The following LEPROT variants were observed in gnomAD, a reference collection of about 807,000 sequenced individuals.
The protein encoded by LEPROT is leptin receptor gene-related protein.
LEPROT carries 3 observed loss-of-function variants against 15.4 expected under a neutral mutation model. The ratio of observed to expected loss-of-function variants is 0.19; its 90% CI spans 0.09 to 0.50. The LOEUF is 0.50. LEPROT is among the 20% of genes least tolerant of loss of function. LEPROT has a pLI of 0.97. For synonymous variants in LEPROT, 59 were observed against 57.5 expected (o/e 1.03, Z -0.12); for missense variants, 137 against 162.2 (o/e 0.84, Z 0.84).
Position 65,425,364 on chromosome 1 carries a change from C to G in LEPROT, c.78C>G (p.Ala26=). 1 of 1,602,710 alleles carries G rather than the reference C, an allele frequency of 6.2e-7. No individual in the cohort carries two copies. Among genetic ancestry groups the G allele is most frequent in the Non-Finnish European group, 8.5e-7 (1 of 1,177,178 alleles). ...TGACTTTTCTTATGCTGGGATGTGCCTTAGAGGATTATGGGTAAGTTATCA... is the reference window on the plus strand; with the variant it reads ...TGACTTTTCTTATGCTGGGATGTGCGTTAGAGGATTATGGGTAAGTTATCA... The part of the protein sequence containing the change: ...IGLTFLMLGC[A]LEDYGVYWPL... Residue 26 remains alanine (A), a synonymous_variant, in exon 2 of 4, where the codon GCC becomes GCG. Transcript: ENST00000371065.
chr1:65,425,319 C>T lies in LEPROT; in HGVS notation c.33C>T (p.Ser11=), dbSNP rs865867177. The T allele has an allele frequency of 2.5e-6, 4 of 1,611,580 alleles. No homozygotes were observed. Among genetic ancestry groups the T allele is most frequent in the Non-Finnish European group, 2.5e-6 (3 of 1,179,366 alleles). Residue 11 remains serine (S), a synonymous_variant, in exon 2 of 4, where the codon TCC becomes TCT. Transcript: ENST00000371065. MAGVKALVAL[S]FSGAIGLTFL... Reference sequence around the variant, plus strand: ...TTTTCACAGCTCTCGTGGCATTATCCTTCAGTGGGGCTATTGGACTGACTT... The same window carrying T: ...TTTTCACAGCTCTCGTGGCATTATCTTTCAGTGGGGCTATTGGACTGACTT...
At chr1:65,422,212 A>G (rs1178411936) in intron 1 of LEPROT, among the ~76,000 whole-genome samples, 1 of 152,224 alleles carries the variant, frequency 6.6e-6, no homozygotes, top group South Asian at 2.1e-4. Context: ...CCCTAATCCA[A>G]TGACTGGTGT....
In LEPROT at chr1:65,433,531, A is replaced by G. The variant is rs769352091; in HGVS notation, c.*1612A>G. 1.8e-5 allele frequency: 18 copies of G among 985,394 alleles called. No homozygotes were observed. Among genetic ancestry groups the G allele is most frequent in the Non-Finnish European group, 2.2e-5 (18 of 829,914 alleles). 61.0% of individuals were successfully genotyped at this position (985,394 alleles called of 1,614,324 possible). On this transcript the variant is annotated 3_prime_UTR_variant, in exon 4 of 4. Transcript: ENST00000371065. ...AACTGAAATACATTCAAAACACTTA[A>G]TCCTTGAGGCTTGTGATCTGAGTAA...
chr1:65,421,220 G>A (rs1382025762), intron 1 of LEPROT: 1 of 1,193,638 alleles, frequency 8.4e-7, no homozygotes, highest in Non-Finnish European at 1.1e-6. Flanking sequence ...CCGCGGGCGG[G>A]TGTCAATGGA....
At position 65,433,983 on chromosome 1, in the gene LEPROT, T is replaced by C; in HGVS notation, c.*2064T>C. ...CTAGTTGGTGTGCAATAGCTTTTCT[T>C]TCTAAGATGGCAATAATGATTCATT... is the stretch of plus-strand genomic sequence containing the variant. On this transcript the variant is annotated 3_prime_UTR_variant, in exon 4 of 4. Transcript: ENST00000371065. 1.0e-6 allele frequency: 1 copy of C among 985,388 alleles called. No homozygotes were observed. Among genetic ancestry groups the C allele is most frequent in the South Asian group, 4.7e-5 (1 of 21,282 alleles). The allele number at this position is 985,388 out of a possible 1,614,324, so 61.0% of individuals were successfully genotyped here.
intron 3 of LEPROT, among the ~76,000 whole-genome samples, chr1:65,431,251 T>C (rs753256482): frequency 7.2e-5 from 11 of 152,358 alleles, no homozygotes; most frequent in East Asian, 5.8e-4. Context: ...GAAACTTTCA[T>C]TGATGTTTCT....
rs1326950005 is a variant in LEPROT, at chr1:65,435,453, C to T, written c.*3534C>T. 9 of 522,992 alleles carry T rather than the reference C, an allele frequency of 1.7e-5. No homozygotes were observed. Among genetic ancestry groups the T allele is most frequent in the African/African-American group, 4.2e-5 (2 of 47,186 alleles). 32.4% of individuals were successfully genotyped at this position (522,992 alleles called of 1,614,324 possible). ...TGCGATCTTGGCTCACTGCAAGCTC[C>T]GCCTCCCGGGTTCACGCCATTCTCC... On this transcript the variant is annotated 3_prime_UTR_variant, in exon 4 of 4. Coordinates refer to ENST00000371065, the MANE Select transcript of LEPROT (RefSeq NM_017526.5).
intron 1 of LEPROT, among the ~76,000 whole-genome samples, chr1:65,422,833 GAAC>G (rs1368562853): frequency 6.6e-6 from 1 of 152,226 alleles, no homozygotes; most frequent in Non-Finnish European, 1.5e-5. Flanking sequence ...CTCCGTGCCA[GAAC>G]AACTTGTAGG....
chr1:65,435,506 T>C lies in LEPROT; in HGVS notation c.*3587T>C, dbSNP rs955070122. ...CCTCAGCCTCCCAAGGAGCTGGGAC[T>C]ACAGGCTCCCGCCACCACGCCTGGC... On this transcript the variant is annotated 3_prime_UTR_variant, in exon 4 of 4. Transcript: ENST00000371065. 7.8e-6 allele frequency: 3 copies of C among 385,184 alleles called. No homozygotes were observed. The highest frequency in any genetic ancestry group is 1.1e-5 in the Non-Finnish European group (3 of 281,848). The allele number at this position is 385,184 out of a possible 1,614,324, so 23.9% of individuals were successfully genotyped here.
At chr1:65,425,246 C>T in intron 1 of LEPROT, 57 bp from the exon 2 acceptor site, 1 of 1,485,304 alleles carries the variant, frequency 6.7e-7, no homozygotes, top group South Asian at 1.2e-5. Context: ...CCCAAACCCT[C>T]TAGTGCCTGA....
chr1:65,423,290 G>A (rs75730881), intron 1 of LEPROT, among the ~76,000 whole-genome samples: 1,696 of 152,188 alleles, frequency 0.011, 31 homozygotes, highest in African/African-American at 0.039. Context: ...GCAGGAGTGC[G>A]TGGAGTGAAA....
intron 1 of LEPROT, among the ~76,000 whole-genome samples, chr1:65,423,699 T>G (rs763358876): frequency 1.3e-5 from 2 of 152,220 alleles, no homozygotes; most frequent in Non-Finnish European, 2.9e-5. Context: ...AAAAAGCACT[T>G]TGGCACCTTC....
chr1:65,432,268 G>A lies in LEPROT; in HGVS notation c.*349G>A, dbSNP rs7602. 226,222 of 1,000,398 alleles carry A rather than the reference G, an allele frequency of 0.23. 26,715 individuals are homozygous for A. The highest frequency in any genetic ancestry group is 0.39 in the African/African-American group (22,590 of 57,432). 62.0% of individuals were successfully genotyped at this position (1,000,398 alleles called of 1,614,324 possible). ...TGTGCTTGGAGAGGCAGATAACGCT[G>A]AAGCAGGCCTCTCATGACCCAGGAA... On this transcript the variant is annotated 3_prime_UTR_variant, in exon 4 of 4. Coordinates refer to ENST00000371065, the MANE Select transcript of LEPROT (RefSeq NM_017526.5).
At position 65,432,083 on chromosome 1, in the gene LEPROT, T is replaced by A. The variant is rs559399801; in HGVS notation, c.*164T>A. On this transcript the variant is annotated 3_prime_UTR_variant, in exon 4 of 4. Coordinates refer to ENST00000371065, the MANE Select transcript of LEPROT (RefSeq NM_017526.5). ...GACTTCATAAGTAGGAGATGAGTTT[T>A]ATTCTCAGCAAATAGACCTGTCAAA... 112 of 1,338,850 alleles carry A rather than the reference T, an allele frequency of 8.4e-5. 1 individual carries two copies. Among genetic ancestry groups the A allele is most frequent in the Middle Eastern group, 2.8e-4 (1 of 3,552 alleles). 82.9% of individuals were successfully genotyped at this position (1,338,850 alleles called of 1,614,324 possible). A position where few individuals can be genotyped will look rare whatever the true frequency, so the allele number is the denominator to read the frequency against.
chr1:65,424,638 C>T (rs185824375), intron 1 of LEPROT, among the ~76,000 whole-genome samples: 5 of 152,328 alleles, frequency 3.3e-5, no homozygotes, highest in Non-Finnish European at 5.9e-5. Context: ...AAACAACAAA[C>T]ATTTAGTTTC....
chr1:65,421,390 G>A (rs756553305), intron 1 of LEPROT: 215 of 1,535,936 alleles, frequency 1.4e-4, no homozygotes, highest in Non-Finnish European at 1.7e-4. Context: ...AAAACACCGC[G>A]TCCCTTATCT....
At chr1:65,423,584 C>A (rs1339399302) in intron 1 of LEPROT, among the ~76,000 whole-genome samples, 1 of 152,142 alleles carries the variant, frequency 6.6e-6, no homozygotes, top group Non-Finnish European at 1.5e-5. Context: ...TGCTTTCCAT[C>A]CACACATGGG....
intron 2 of LEPROT, among the ~76,000 whole-genome samples, chr1:65,428,382 C>CA (rs1429714121): frequency 2.0e-5 from 3 of 152,202 alleles, no homozygotes; most frequent in Non-Finnish European, 4.4e-5. Flanking sequence ...TTCCAAACCC[C>CA]TTCCCCTCTC....
chr1:65,422,171 CAAATT>C (rs1467370640), intron 1 of LEPROT, among the ~76,000 whole-genome samples: 3 of 152,140 alleles, frequency 2.0e-5, no homozygotes, highest in African/African-American at 7.2e-5. Context: ...CAGATATAAT[CAAATT>C]AAAATGATAA....
Sources: gnomAD v4.1 joint callset for allele counts (sites outside exome capture counted in the v4.1 genomes callset) on GRCh38, gnomAD v4.1.1 for gene constraint, MANE v1.5 for transcripts, NCBI Gene and HGNC (gene_info 2026-07-23, HGNC 2026-07-21) for gene names.